Variants in POFUT1 observed in about 807,000 individuals in gnomAD.
The protein encoded by POFUT1 is GDP-fucose protein O-fucosyltransferase 1.
In POFUT1, 16 loss-of-function variants were observed where a neutral mutation model predicts 42.4. The ratio of observed to expected loss-of-function variants is 0.38; its 90% confidence interval spans 0.26 to 0.57. The LOEUF is 0.57. Among genes scored for constraint, POFUT1 ranks in the 20% least tolerant of loss-of-function variants. POFUT1 has a pLI of 0.71. For synonymous variants in POFUT1, 206 were observed against 205.4 expected (o/e 1.00, Z -0.03); for missense variants, 470 against 504.6 (o/e 0.93, Z 0.66).
At chr20:32,226,686 A>G (rs2047416339) in intron 4 of POFUT1, among the ~76,000 whole-genome samples, 1 of 152,202 alleles carries the variant, frequency 6.6e-6, no homozygotes, top group Admixed American at 6.5e-5. Flanking sequence ...AAATGGAACC[A>G]TACAATACAT....
At position 32,236,188 on chromosome 20, in the gene POFUT1, G is replaced by A. The variant is rs1329124083; in HGVS notation, c.*1527G>A. The A allele has an allele frequency of 6.6e-6, 1 of 152,250 alleles. No individual in the cohort carries two copies. The highest frequency in any genetic ancestry group is 2.4e-5 in the African/African-American group (1 of 41,466). The allele number at this position is 152,250 out of a possible 1,614,324, so 9.4% of individuals were successfully genotyped here. ...TGCTCTCAAGCCTCATCCAGAGAAG[G>A]AGCTGCAGATGAGGGAGCCCGTACA... On this transcript the variant is annotated 3_prime_UTR_variant, in exon 7 of 7. Coordinates refer to ENST00000375749, the MANE Select transcript of POFUT1 (RefSeq NM_015352.2).
At chr20:32,216,960 A>AT (rs759030328) in intron 4 of POFUT1, 8 of 1,608,656 alleles carry the variant, frequency 5.0e-6, no homozygotes, top group East Asian at 2.2e-5. Flanking sequence ...AAGGGATGTC[A>AT]TAAAAAGAAC....
rs2047441103 is a variant in POFUT1 at position 32,231,028 on chromosome 20, T to C, written c.945T>C (p.Tyr315=). ...SVYVATDSES[Y]VPELQQLFKG... ...ACGTTGCTACTGATTCCGAGAGTTATGTGCCTGAGCTCCAACAGCTCTTCA... is the reference window on the plus strand; with the variant it reads ...ACGTTGCTACTGATTCCGAGAGTTACGTGCCTGAGCTCCAACAGCTCTTCA... The change falls in exon 6 of 7, where the codon TAT becomes TAC. Residue 315 remains tyrosine, a synonymous_variant. Coordinates refer to ENST00000375749, the MANE Select transcript of POFUT1 (RefSeq NM_015352.2). The C allele has an allele frequency of 6.2e-7, 1 of 1,614,206 alleles. No individual in the cohort carries two copies. The highest frequency in any genetic ancestry group is 1.7e-5 in the Admixed American group (1 of 60,030).
chr20:32,210,511 G>T (rs1368801802), intron 2 of POFUT1, among the ~76,000 whole-genome samples: 1 of 152,222 alleles, frequency 6.6e-6, no homozygotes, highest in East Asian at 1.9e-4. Flanking sequence ...ATCTTTGTCT[G>T]ACTCCAGAGC....
rs780991231 is a variant in POFUT1 at position 32,234,649 on chromosome 20, G to A, written c.1155G>A (p.Arg385=). 75 of 1,607,990 alleles carry A rather than the reference G, an allele frequency of 4.7e-5. 1 individual carries two copies. Among genetic ancestry groups the A allele is most frequent in the Non-Finnish European group, 5.9e-5 (69 of 1,176,642 alleles). ...FFGMDRPPKL[R]DEF ...GCATGGACAGGCCCCCTAAGCTGCGGGACGAGTTCTGATTCTGGCCGGAGC... is the reference window on the plus strand; with the variant it reads ...GCATGGACAGGCCCCCTAAGCTGCGAGACGAGTTCTGATTCTGGCCGGAGC... The change falls in exon 7 of 7, where the codon CGG becomes CGA. Residue 385 remains arginine, a synonymous_variant. Coordinates refer to ENST00000375749, the MANE Select transcript of POFUT1 (RefSeq NM_015352.2).
Position 32,215,428 on chromosome 20 carries a change from G to A in POFUT1, c.406G>A (p.Asp136Asn). ...CFEVAAQRSP[D>N]KKTCPMKEGN... The stretch of plus-strand genomic sequence containing the variant: ...TGAGGTGGCAGCCCAGCGAAGCCCA[G>A]ATAAGAAGACGTGCCCCATGAAGGT... The change falls in exon 3 of 7, where the codon GAT becomes AAT. Residue 136 changes from aspartate (D) to asparagine (N), a missense_variant. Physicochemically the swap from Asp to Asn is conservative, Grantham distance 23 (BLOSUM62 1). Coordinates refer to ENST00000375749, the MANE Select transcript of POFUT1 (RefSeq NM_015352.2). 6.2e-7 allele frequency: 1 copy of A among 1,612,442 alleles called. No homozygotes were observed. Among genetic ancestry groups the A allele is most frequent in the Non-Finnish European group, 8.5e-7 (1 of 1,178,816 alleles).
intron 4 of POFUT1, among the ~76,000 whole-genome samples, chr20:32,224,799 C>T (rs563545718): frequency 6.6e-6 from 1 of 152,262 alleles, no homozygotes; most frequent in Admixed American, 6.5e-5. Flanking sequence ...CACTGTCTAG[C>T]AAGAGGGAAA....
Position 32,234,828 on chromosome 20 carries a change from T to G in POFUT1, c.*167T>G. ...ACCCCTCAAGGAGGGAGACGCTCCA[T>G]ATCCCAGGGCATAGGACTTGCAGGT... On this transcript the variant is annotated 3_prime_UTR_variant, in exon 7 of 7. Coordinates refer to ENST00000375749, the MANE Select transcript of POFUT1 (RefSeq NM_015352.2). 1 of 595,182 alleles carries G rather than the reference T, an allele frequency of 1.7e-6. No homozygotes were observed. The highest frequency in any genetic ancestry group is 2.9e-6 in the Non-Finnish European group (1 of 344,896). The allele number at this position is 595,182 out of a possible 1,614,324, so 36.9% of individuals were successfully genotyped here.
intron 4 of POFUT1, chr20:32,223,349 C>T: frequency 2.0e-6 from 2 of 985,424 alleles, no homozygotes; most frequent in Non-Finnish European, 2.4e-6. Context: ...GTGAGCAGAT[C>T]AGCCTTAGCC....
At chr20:32,219,687 C>T (rs1339061453) in intron 4 of POFUT1, among the ~76,000 whole-genome samples, 2 of 151,670 alleles carry the variant, frequency 1.3e-5, no homozygotes, top group African/African-American at 2.4e-5. Context: ...TTAGTAGAGA[C>T]GGGGTTTCAC....
intron 4 of POFUT1, among the ~76,000 whole-genome samples, chr20:32,228,050 C>T (rs568902282): frequency 2.2e-4 from 34 of 152,258 alleles, no homozygotes; most frequent in South Asian, 1.5e-3. Flanking sequence ...TTCCATGTGG[C>T]GGGACAGTAT....
chr20:32,213,470 A>T (rs1401952530), intron 2 of POFUT1, among the ~76,000 whole-genome samples: 1 of 150,078 alleles, frequency 6.7e-6, no homozygotes, highest in Admixed American at 6.6e-5. Flanking sequence ...AAAAAAAAAA[A>T]GTAGAAAAAT....
rs527375849 is a variant in POFUT1, at chr20:32,229,715, C to A, written c.736-1104C>A. 3.9e-5 allele frequency among the ~76,000 whole-genome samples: 6 copies of A among 152,202 alleles called. 1 individual carries two copies. In the South Asian group the frequency reaches 1.2e-3, roughly 32 times the overall value. Reference sequence around the variant, plus strand: ...AAAAGTAATTTTTGTTTCAAAATGCCAGGCTTTCTGTGCTGTGCCCACCGC... The same window carrying A: ...AAAAGTAATTTTTGTTTCAAAATGCAAGGCTTTCTGTGCTGTGCCCACCGC... On this transcript the variant is annotated intron_variant, in intron 5 of 6. Coordinates refer to ENST00000375749, the MANE Select transcript of POFUT1 (RefSeq NM_015352.2).
At chr20:32,211,731 A>G (rs754620717) in intron 2 of POFUT1, among the ~76,000 whole-genome samples, 1 of 152,132 alleles carries the variant, frequency 6.6e-6, no homozygotes, top group African/African-American at 2.4e-5. Context: ...CGCCACTGTT[A>G]GCATTCTCAC....
In POFUT1 at chr20:32,232,689, C is replaced by G. The variant is rs1442018625; in HGVS notation, c.978+1628C>G. Among the ~76,000 whole-genome samples, 6 of 152,218 alleles carry G rather than the reference C, an allele frequency of 3.9e-5. No individual in the cohort carries two copies. In the East Asian group the frequency reaches 1.2e-3, roughly 29 times the overall value. ...CCACCTACCTACAACCCCCAACTAC[C>G]TCTATACTAAGCTGAAGCATTTGGA... On this transcript the variant is annotated intron_variant, in intron 6 of 6. Transcript: ENST00000375749.
rs368413950 is a variant in POFUT1 at position 32,208,031 on chromosome 20, C to G, written c.90C>G (p.Asp30Glu). ...CGGGGATGCCTGCGGGCTCCTGGGACCCGGCCGGTTACCTGCTCTACTGCC... is the reference window on the plus strand; with the variant it reads ...CGGGGATGCCTGCGGGCTCCTGGGAGCCGGCCGGTTACCTGCTCTACTGCC... ...PLPGMPAGSWDPAGYLLYCPC... is the reference protein window; with the variant it reads ...PLPGMPAGSWEPAGYLLYCPC... Residue 30 changes from aspartate (D) to glutamate (E), a missense_variant, in exon 1 of 7, where the codon GAC becomes GAG. Asp to Glu is a conservative substitution (Grantham distance 45). Transcript: ENST00000375749. The G allele has an allele frequency of 9.9e-5, 155 of 1,573,230 alleles. No homozygotes were observed. The highest frequency in any genetic ancestry group is 3.3e-4 in the Middle Eastern group (2 of 6,014).
At chr20:32,215,167 G>A (rs999861407) in intron 2 of POFUT1, 102 bp from the exon 3 acceptor site, 12 of 852,924 alleles carry the variant, frequency 1.4e-5, no homozygotes, top group Non-Finnish European at 2.2e-5. Flanking sequence ...GGGATTACAG[G>A]CGTGAGCCAC....
At chr20:32,223,028 C>T in intron 4 of POFUT1, 1 of 985,442 alleles carries the variant, frequency 1.0e-6, no homozygotes, top group Non-Finnish European at 1.2e-6. Flanking sequence ...CTTCTGCACT[C>T]AATATGGGTT....
intron 4 of POFUT1, chr20:32,218,010 C>G (rs1004727070): frequency 1.3e-5 from 2 of 152,384 alleles, no homozygotes; most frequent in Admixed American, 1.3e-4. Context: ...TGGGTTGTTA[C>G]TGCCATCTGT....
Sources: gnomAD v4.1 joint callset for allele counts (sites outside exome capture counted in the v4.1 genomes callset) on GRCh38, gnomAD v4.1.1 for gene constraint, MANE v1.5 for transcripts, NCBI Gene and HGNC (gene_info 2026-07-23, HGNC 2026-07-21) for gene names.